Variants in CHODL observed in about 807,000 individuals in gnomAD.
CHODL encodes transmembrane protein MT75.
In CHODL, 29 loss-of-function variants were observed where a neutral mutation model predicts 34.5. The observed-to-expected ratio is 0.84, with a 90% CI of 0.63 to 1.15. CHODL has a LOEUF of 1.15. Ranked by LOEUF, CHODL falls within the 50% of genes most tolerant of loss-of-function variation. The pLI is 0.00. For synonymous variants in CHODL, 125 were observed against 116.1 expected (o/e 1.08, Z -0.49); for missense variants, 332 against 332.5 (o/e 1.00, Z 0.01).
At chr21:18,240,611 T>C (rs2074072573), upstream of CHODL, among the ~76,000 whole-genome samples, 1 of 152,188 alleles carries the variant, frequency 6.6e-6, no homozygotes, top group Non-Finnish European at 1.5e-5. Flanking sequence ...TTTTGTTTGG[T>C]TGTATTAACA....
rs138480099 is a variant in CHODL, at chr21:17,999,510, GA to G, written c.-144-28353del. Among the ~76,000 whole-genome samples the G allele has an allele frequency of 2.1e-3, 312 of 151,002 alleles. 8 individuals carry two copies. In the East Asian group the frequency reaches 0.049, roughly 24 times the overall value. ...TAATAAACACATACGTGAAACTGTG[GA>G]AAAAAAAAGGTTTAATTGCATTTTC... is the stretch of plus-strand genomic sequence containing the variant. On this transcript the variant is annotated intron_variant, in intron 1 of 6. Coordinates refer to the CHODL transcript ENST00000400127.
In CHODL at chr21:17,945,433, C is replaced by A. The variant is rs529234484; in HGVS notation, c.-145+28033C>A. Among the ~76,000 whole-genome samples, 7 of 151,916 alleles carry A rather than the reference C, an allele frequency of 4.6e-5. No homozygotes were observed. In the East Asian group the frequency reaches 1.4e-3, roughly 29 times the overall value. On this transcript the variant is annotated intron_variant, in intron 1 of 6. Coordinates refer to the CHODL transcript ENST00000400127. ...CAGTAAAAAAGAACCACATAGAAAT[C>A]TTAGAGATGAAGAATACAATGATTA... is the stretch of plus-strand genomic sequence containing the variant.
chr21:17,993,701 A>T (rs1050892899), intron 1 of CHODL, among the ~76,000 whole-genome samples: 4 of 152,256 alleles, frequency 2.6e-5, no homozygotes, highest in African/African-American at 9.6e-5. Context: ...TCTTCAGGAA[A>T]GAATGATTAA....
chr21:18,048,751 A>T (rs539691312), intron 2 of CHODL, among the ~76,000 whole-genome samples: 7 of 151,862 alleles, frequency 4.6e-5, no homozygotes, highest in Admixed American at 2.6e-4. Flanking sequence ...TATGCTGAAA[A>T]TTTTTTTTGG....
intron 1 of CHODL, among the ~76,000 whole-genome samples, chr21:18,009,819 C>G (rs391970): frequency 6.8e-6 from 1 of 146,834 alleles, no homozygotes. Flanking sequence ...ACCTGGGAAG[C>G]GGAGCTTGCA....
At chr21:18,070,033 C>CG (rs2064783154) in intron 2 of CHODL, among the ~76,000 whole-genome samples, 1 of 107,034 alleles carries the variant, frequency 9.3e-6, no homozygotes, top group Non-Finnish European at 2.1e-5. Context: ...CCTCCCCCCC[C>CG]CCACCCATTT....
intron 5 of CHODL, among the ~76,000 whole-genome samples, chr21:18,264,302 C>T (rs2074419863): frequency 6.6e-6 from 1 of 151,976 alleles, no homozygotes; most frequent in Non-Finnish European, 1.5e-5. Context: ...TTGGTCCAGG[C>T]AGGAGATTAT....
chr21:17,963,230 G>C (rs2254429), intron 1 of CHODL, among the ~76,000 whole-genome samples: 2 of 151,854 alleles, frequency 1.3e-5, no homozygotes, highest in African/African-American at 4.8e-5. Context: ...TCACTTTGTA[G>C]AACATATCCC....
intron 2 of CHODL, among the ~76,000 whole-genome samples, chr21:18,109,093 T>C (rs1437087866): frequency 6.6e-6 from 1 of 152,174 alleles, no homozygotes; most frequent in East Asian, 1.9e-4. Flanking sequence ...TTGCATTAAT[T>C]ATGTAGCAGC....
intron 2 of CHODL, among the ~76,000 whole-genome samples, chr21:18,203,429 CTG>C (rs2073677179): frequency 6.6e-6 from 1 of 152,102 alleles, no homozygotes; most frequent in Admixed American, 6.5e-5. Flanking sequence ...ACTTCAAACA[CTG>C]TTTCTTCTAA....
chr21:18,040,333 CA>C (rs1218290449), intron 2 of CHODL, among the ~76,000 whole-genome samples: 1 of 151,772 alleles, frequency 6.6e-6, no homozygotes, highest in Non-Finnish European at 1.5e-5. Context: ...AGACGACATA[CA>C]AAATTAATTT....
At chr21:18,165,085 C>T (rs1016929745) in intron 2 of CHODL, among the ~76,000 whole-genome samples, 3 of 152,070 alleles carry the variant, frequency 2.0e-5, no homozygotes, top group Admixed American at 6.6e-5. Context: ...GTGCATTGTG[C>T]GATGTTTAGC....
intron 2 of CHODL, among the ~76,000 whole-genome samples, chr21:18,093,793 C>T (rs1351308654): frequency 6.6e-6 from 1 of 151,784 alleles, no homozygotes; most frequent in African/African-American, 2.4e-5. Context: ...ATCACCTTCA[C>T]TAAAAGACAG....
At chr21:18,188,637 C>T (rs2073473557) in intron 2 of CHODL, among the ~76,000 whole-genome samples, 2 of 152,272 alleles carry the variant, frequency 1.3e-5, no homozygotes, top group Admixed American at 6.5e-5. Context: ...GATATGTTGA[C>T]GTTTTGGTCT....
At chr21:18,229,430 CT>C (rs2146752397) in intron 2 of CHODL, among the ~76,000 whole-genome samples, 1 of 152,220 alleles carries the variant, frequency 6.6e-6, no homozygotes, top group Admixed American at 6.5e-5. Flanking sequence ...GAGATCCAGG[CT>C]GAAGAAACAC....
chr21:18,220,658 A>G (rs113795875), intron 2 of CHODL, among the ~76,000 whole-genome samples: 6 of 151,760 alleles, frequency 4.0e-5, no homozygotes, highest in South Asian at 2.1e-4. Flanking sequence ...TCATTTTTGA[A>G]TAATAGCTTT....
intron 1 of CHODL, among the ~76,000 whole-genome samples, chr21:18,248,996 G>A (rs1273611398): frequency 1.9e-5 from 2 of 103,444 alleles, no homozygotes; most frequent in African/African-American, 9.2e-5. Context: ...ATACATATAT[G>A]TATTTATATA....
intron 2 of CHODL, among the ~76,000 whole-genome samples, chr21:18,130,825 C>G (rs369066345): frequency 1.3e-5 from 2 of 152,242 alleles, no homozygotes; most frequent in East Asian, 1.9e-4. Context: ...TACTTACATT[C>G]ATATTGAATC....
chr21:17,950,791 C>A (rs750883216), intron 1 of CHODL, among the ~76,000 whole-genome samples: 14 of 152,012 alleles, frequency 9.2e-5, no homozygotes, highest in Non-Finnish European at 2.1e-4. Flanking sequence ...CCAAGTAAGT[C>A]CTCTCTGGAC....
Sources: allele counts gnomAD v4.1 joint callset (sites outside exome capture counted in the v4.1 genomes callset), GRCh38; gene constraint gnomAD v4.1.1; transcripts MANE v1.5; gene names NCBI Gene and HGNC (gene_info 2026-07-23, HGNC 2026-07-21).